Variants in OLA1 observed in about 807,000 individuals in gnomAD.
OLA1 encodes the protein Obg like ATPase 1, also known as obg-like ATPase 1.
In OLA1, 14 loss-of-function variants were observed where a neutral mutation model predicts 48.4. The observed-to-expected ratio is 0.29, with a 90% CI of 0.19 to 0.45. The LOEUF (loss-of-function observed/expected upper bound fraction) is 0.45. OLA1 is among the 20% of genes least tolerant of loss of function. The probability of loss-of-function intolerance (pLI) is 1.00; values close to 1 mark genes in which losing one functional copy is unlikely to be tolerated. For synonymous variants in OLA1, 127 were observed against 150.4 expected (o/e 0.84, Z 1.14); for missense variants, 325 against 467.1 (o/e 0.70, Z 2.80).
chr2:174,129,496 T>TA (rs1212819080), intron 5 of OLA1, among the ~76,000 whole-genome samples: 1 of 149,936 alleles, frequency 6.7e-6, no homozygotes, highest in African/African-American at 2.4e-5. Flanking sequence ...AATAAATAAA[T>TA]AAATAATATT....
chr2:174,166,976 T>C (rs988370097), intron 4 of OLA1, among the ~76,000 whole-genome samples: 1 of 152,358 alleles, frequency 6.6e-6, no homozygotes, highest in Non-Finnish European at 1.5e-5. Flanking sequence ...ACTTTTGTAA[T>C]AGTGTCATAA....
At chr2:174,131,668 C>T (rs1017609117) in intron 5 of OLA1, among the ~76,000 whole-genome samples, 3 of 152,036 alleles carry the variant, frequency 2.0e-5, no homozygotes, top group Non-Finnish European at 2.9e-5. Context: ...GGTATCTCAC[C>T]GTAGTCTGAA....
chr2:174,173,181 AGT>A (rs375526068), intron 4 of OLA1, among the ~76,000 whole-genome samples: 467 of 152,330 alleles, frequency 3.1e-3, no homozygotes, highest in African/African-American at 0.01. Flanking sequence ...AAGACAGCAA[AGT>A]GGCGAAAAAC....
chr2:174,235,252 T>C (rs985737354), intron 2 of OLA1, among the ~76,000 whole-genome samples: 2 of 152,130 alleles, frequency 1.3e-5, no homozygotes, highest in African/African-American at 2.4e-5. Context: ...AAAGAGTGAT[T>C]AGGAAAACAG....
intron 4 of OLA1, among the ~76,000 whole-genome samples, chr2:174,155,688 C>T (rs966257644): frequency 2.6e-5 from 4 of 151,750 alleles, no homozygotes; most frequent in African/African-American, 9.7e-5. Flanking sequence ...AACTAAGGAG[C>T]GGGAACACAT....
rs897183852 is a variant in OLA1, at chr2:174,182,429, G to A, written c.374-40429C>T. 3.9e-5 allele frequency among the ~76,000 whole-genome samples: 6 copies of A among 152,300 alleles called. No homozygotes were observed. In the South Asian group the frequency reaches 1.2e-3, roughly 32 times the overall value. ...TAATTCCACTTACTCAGGAGGCTGA[G>A]GCAGAAGAATCGCTTGAACCCAGGA... On this transcript the variant is annotated intron_variant, in intron 4 of 10. Transcript: ENST00000284719.
chr2:174,135,004 A>C lies in OLA1; in HGVS notation c.549+6821T>G, dbSNP rs576865813. The stretch of plus-strand genomic sequence containing the variant: ...GTGAAACCCCTACTCTACTAAAAAT[A>C]CAAAAATTAGCCAGGCATGGTGGCG... On this transcript the variant is annotated intron_variant, in intron 5 of 10. Transcript: ENST00000284719. 1.4e-3 allele frequency among the ~76,000 whole-genome samples: 212 copies of C among 152,136 alleles called. 3 individuals carry two copies. Among genetic ancestry groups the C allele is most frequent in the African/African-American group, 4.3e-3 (180 of 41,508 alleles).
intron 7 of OLA1, among the ~76,000 whole-genome samples, chr2:174,107,853 A>T (rs778977585): frequency 3.3e-5 from 5 of 152,292 alleles, no homozygotes; most frequent in Admixed American, 1.3e-4. Flanking sequence ...ATATAAAAAT[A>T]ATTTGGACAG....
At chr2:174,163,730 AT>A (rs1170078066) in intron 4 of OLA1, among the ~76,000 whole-genome samples, 18,483 of 38,220 alleles carry the variant, frequency 0.48, 3,929 homozygotes, top group East Asian at 0.57. Flanking sequence ...ATATATATAT[AT>A]ATATATATAT....
intron 4 of OLA1, among the ~76,000 whole-genome samples, chr2:174,191,568 C>A (rs1030799753): frequency 1.2e-4 from 18 of 152,188 alleles, no homozygotes; most frequent in African/African-American, 4.3e-4. Context: ...GATCTTCCCG[C>A]CTCAGCCCAC....
At chr2:174,177,761 A>G (rs542669525) in intron 4 of OLA1, among the ~76,000 whole-genome samples, 1 of 152,022 alleles carries the variant, frequency 6.6e-6, no homozygotes, top group South Asian at 2.1e-4. Flanking sequence ...AAAGTCAGCC[A>G]GCTTAATAAA....
chr2:174,190,926 C>T (rs1687760583), intron 4 of OLA1, among the ~76,000 whole-genome samples: 1 of 97,956 alleles, frequency 1.0e-5, no homozygotes, highest in South Asian at 3.5e-4. Context: ...GCCTGGGCAA[C>T]AGAGCAAGAC....
intron 8 of OLA1, 96 bp downstream of exon 8, chr2:174,081,828 T>C (rs761369348): frequency 1.7e-6 from 2 of 1,163,892 alleles, no homozygotes; most frequent in Non-Finnish European, 2.5e-6. Flanking sequence ...ATAATGGTAA[T>C]TACTCTGTCA....
intron 7 of OLA1, among the ~76,000 whole-genome samples, chr2:174,097,151 G>T (rs150176286): frequency 4.6e-5 from 7 of 151,956 alleles, no homozygotes; most frequent in African/African-American, 7.3e-5. Context: ...GCAAAACTCC[G>T]TCTCAAAATA....
chr2:174,212,531 A>G (rs1688266575), intron 4 of OLA1, among the ~76,000 whole-genome samples: 1 of 152,180 alleles, frequency 6.6e-6, no homozygotes, highest in Non-Finnish European at 1.5e-5. Flanking sequence ...TCAATAATCA[A>G]TTAGCCTTAG....
chr2:174,244,518 C>T (rs1164010172), intron 2 of OLA1, among the ~76,000 whole-genome samples: 1 of 151,966 alleles, frequency 6.6e-6, no homozygotes, highest in African/African-American at 2.4e-5. Context: ...GATTGAGTCC[C>T]TTATATACAA....
At chr2:174,144,941 A>ATATATATATATAT (rs1188016243) in intron 4 of OLA1, among the ~76,000 whole-genome samples, 1 of 64,310 alleles carries the variant, frequency 1.6e-5, no homozygotes, top group Non-Finnish European at 3.1e-5. Context: ...AAAAAAAAAA[A>ATATATATATATAT]AAAAAAAAAA....
At chr2:174,231,479 T>C (rs189621212) in intron 2 of OLA1, among the ~76,000 whole-genome samples, 3 of 152,300 alleles carry the variant, frequency 2.0e-5, no homozygotes, top group South Asian at 4.1e-4. Flanking sequence ...ATAGGTTGTT[T>C]ATGGAGTTTT....
chr2:174,090,829 T>C (rs1051951932), intron 7 of OLA1, among the ~76,000 whole-genome samples: 2 of 152,212 alleles, frequency 1.3e-5, no homozygotes, highest in Non-Finnish European at 2.9e-5. Context: ...ACATTTAGGG[T>C]TATTTTCAAG....
Sources: allele counts gnomAD v4.1 joint callset (sites outside exome capture counted in the v4.1 genomes callset), GRCh38; gene constraint gnomAD v4.1.1; transcripts MANE v1.5; gene names NCBI Gene and HGNC (gene_info 2026-07-23, HGNC 2026-07-21).